Variants in PPP2R5E observed in about 807,000 individuals in gnomAD.
PPP2R5E encodes the protein serine/threonine-protein phosphatase 2A 56 kDa regulatory subunit epsilon isoform.
A neutral mutation model predicts 65.3 loss-of-function variants in PPP2R5E; 4 were observed. The observed-to-expected ratio is 0.06, with a 90% CI of 0.03 to 0.14. The LOEUF is 0.14. PPP2R5E is among the 10% of genes least tolerant of loss of function. The pLI is 1.00. For synonymous variants in PPP2R5E, 183 were observed against 187.4 expected (o/e 0.98, Z 0.19); for missense variants, 274 against 556.1 (o/e 0.49, Z 5.10).
intron 5 of PPP2R5E, among the ~76,000 whole-genome samples, chr14:63,402,733 A>G (rs943937864): frequency 6.6e-6 from 1 of 152,194 alleles, no homozygotes; most frequent in Non-Finnish European, 1.5e-5. Flanking sequence ...GATAATATAT[A>G]GAAGAAGATT....
Position 63,375,785 on chromosome 14 carries a change from T to A in PPP2R5E, c.*224A>T. 2.9e-6 allele frequency: 1 copy of A among 339,920 alleles called. No homozygotes were observed. Among genetic ancestry groups the A allele is most frequent in the Non-Finnish European group, 5.3e-6 (1 of 188,274 alleles). 21.1% of individuals were successfully genotyped at this position (339,920 alleles called of 1,614,324 possible). A position where few individuals can be genotyped will look rare whatever the true frequency, so the allele number is the denominator to read the frequency against. Reference sequence around the variant, plus strand: ...TAAAAGAGGGTGAGAACAATGATTATGTTTGCAAAGTTCTGAGAAGTCCAT... The same window carrying A: ...TAAAAGAGGGTGAGAACAATGATTAAGTTTGCAAAGTTCTGAGAAGTCCAT... On this transcript the variant is annotated 3_prime_UTR_variant, in exon 14 of 14. Transcript: ENST00000337537.
chr14:63,524,752 A>G (rs1566762473), intron 2 of PPP2R5E, among the ~76,000 whole-genome samples: 1 of 152,132 alleles, frequency 6.6e-6, no homozygotes, highest in Non-Finnish European at 1.5e-5. Flanking sequence ...AGCCTTCTTG[A>G]GGAGCCCAGA....
At chr14:63,483,939 C>T (rs1036112770) in intron 2 of PPP2R5E, among the ~76,000 whole-genome samples, 2 of 151,864 alleles carry the variant, frequency 1.3e-5, no homozygotes, top group South Asian at 2.1e-4. Flanking sequence ...AAAAAGTAGA[C>T]GGGACTGGTG....
intron 3 of PPP2R5E, among the ~76,000 whole-genome samples, chr14:63,433,589 T>C (rs548390010): frequency 6.6e-6 from 1 of 152,120 alleles, no homozygotes; most frequent in African/African-American, 2.4e-5. Flanking sequence ...TTCAACATAG[T>C]GTCCTACTTT....
At chr14:63,439,038 T>C (rs1425449774) in intron 3 of PPP2R5E, among the ~76,000 whole-genome samples, 1 of 151,422 alleles carries the variant, frequency 6.6e-6, no homozygotes, top group African/African-American at 2.4e-5. Context: ...TTGAAATCAA[T>C]AGTCAGACAA....
chr14:63,473,378 C>A (rs1330289788), intron 2 of PPP2R5E, among the ~76,000 whole-genome samples: 1 of 152,010 alleles, frequency 6.6e-6, no homozygotes, highest in Non-Finnish European at 1.5e-5. Context: ...AAACGAAGAA[C>A]AGAAGGTTAA....
rs578145568 is a variant in PPP2R5E, at chr14:63,540,879, G to C, written c.-7-1187C>G. ...ATAAGCATTAAAGATACTCATCTAG[G>C]CTTAAAGAAATCTATGCTGCCTGCC... On this transcript the variant is annotated intron_variant, in intron 1 of 13. Coordinates refer to ENST00000337537, the MANE Select transcript of PPP2R5E (RefSeq NM_006246.5). Among the ~76,000 whole-genome samples the C allele has an allele frequency of 1.7e-4, 26 of 152,262 alleles. No homozygotes were observed. The South Asian group carries it at 5.2e-3, about 30-fold the overall frequency.
intron 8 of PPP2R5E, 83 bp downstream of exon 8, chr14:63,393,737 A>G (rs1278996465): frequency 1.6e-5 from 15 of 940,684 alleles, no homozygotes; most frequent in Non-Finnish European, 2.4e-5. Flanking sequence ...AAAAAACAAA[A>G]TGAAGGTTAT....
chr14:63,512,062 G>T (rs906257989), intron 2 of PPP2R5E, among the ~76,000 whole-genome samples: 2 of 121,020 alleles, frequency 1.7e-5, no homozygotes, highest in Admixed American at 1.1e-4. Context: ...CTGGACGACA[G>T]AGCGAGACTC....
At chr14:63,439,055 T>C (rs1436018804) in intron 3 of PPP2R5E, among the ~76,000 whole-genome samples, 1 of 151,526 alleles carries the variant, frequency 6.6e-6, no homozygotes, top group African/African-American at 2.4e-5. Flanking sequence ...ACAAAAGATA[T>C]GGAAAGTCAT....
intron 2 of PPP2R5E, among the ~76,000 whole-genome samples, chr14:63,525,130 G>A (rs1235806012): frequency 3.3e-5 from 5 of 152,144 alleles, no homozygotes; most frequent in African/African-American, 4.8e-5. Context: ...TAAATGAGAC[G>A]CCATGTGGTA....
At chr14:63,458,836 T>G (rs1889296178) in intron 2 of PPP2R5E, among the ~76,000 whole-genome samples, 1 of 152,294 alleles carries the variant, frequency 6.6e-6, no homozygotes. Context: ...TCAAAAGATC[T>G]AAAATAAAAT....
intron 5 of PPP2R5E, among the ~76,000 whole-genome samples, chr14:63,399,283 T>A (rs1362469166): frequency 6.6e-6 from 1 of 151,688 alleles, no homozygotes; most frequent in Non-Finnish European, 1.5e-5. Context: ...ATGACTCCAT[T>A]TATGTGAAAT....
At chr14:63,466,249 TAAAAA>T (rs56726365) in intron 2 of PPP2R5E, among the ~76,000 whole-genome samples, 2 of 93,084 alleles carry the variant, frequency 2.1e-5, no homozygotes, top group South Asian at 3.2e-4. Context: ...TCATGAAACT[TAAAAA>T]AAAAAAGTTT....
In PPP2R5E at chr14:63,396,721, T is replaced by C. The variant is rs1394685116; in HGVS notation, c.550-5A>G. Reference sequence around the variant, plus strand: ...GCTGTCAAATAGCTCCAGAAGCTGTTGTAAATGAAAGACATTATAGCTGTC... The same window carrying C: ...GCTGTCAAATAGCTCCAGAAGCTGTCGTAAATGAAAGACATTATAGCTGTC... On this transcript the variant is annotated splice_polypyrimidine_tract_variant and splice_region_variant and intron_variant, in intron 5 of 13. Transcript: ENST00000337537. The C allele has an allele frequency of 1.2e-6, 2 of 1,613,212 alleles. No homozygotes were observed. Among genetic ancestry groups the C allele is most frequent in the Non-Finnish European group, 8.5e-7 (1 of 1,179,556 alleles).
intron 2 of PPP2R5E, among the ~76,000 whole-genome samples, chr14:63,489,216 T>C (rs967579659): frequency 6.6e-6 from 1 of 152,008 alleles, no homozygotes; most frequent in African/African-American, 2.4e-5. Flanking sequence ...AAAAATAGTA[T>C]AGGCTCACCA....
intron 4 of PPP2R5E, among the ~76,000 whole-genome samples, chr14:63,416,337 G>C (rs1886681714): frequency 6.6e-6 from 1 of 152,108 alleles, no homozygotes; most frequent in South Asian, 2.1e-4. Context: ...ATGAATACTG[G>C]GTTGAATGCC....
Position 63,510,714 on chromosome 14 carries a change from G to A in PPP2R5E, c.157+28815C>T, listed in dbSNP as rs142019846. Among the ~76,000 whole-genome samples the A allele has an allele frequency of 1.3e-3, 203 of 152,326 alleles. 1 individual carries two copies. Among genetic ancestry groups the A allele is most frequent in the African/African-American group, 4.6e-3 (193 of 41,558 alleles). On this transcript the variant is annotated intron_variant, in intron 2 of 13. Coordinates refer to ENST00000337537, the MANE Select transcript of PPP2R5E (RefSeq NM_006246.5). ...GAGTTAAGATGAGGTCAAAGAAAGA[G>A]CCACATCATGTAAAGTTTTGTAACC...
chr14:63,460,910 A>G (rs1042812126), intron 2 of PPP2R5E, among the ~76,000 whole-genome samples: 1 of 148,532 alleles, frequency 6.7e-6, no homozygotes. Context: ...GCACACTGAT[A>G]AATGACACAC....
Sources: gnomAD v4.1 joint callset for allele counts (sites outside exome capture counted in the v4.1 genomes callset) on GRCh38, gnomAD v4.1.1 for gene constraint, MANE v1.5 for transcripts, NCBI Gene and HGNC (gene_info 2026-07-23, HGNC 2026-07-21) for gene names.